ZNF385D: variants seen among roughly 807,000 people sequenced by gnomAD.
The protein encoded by ZNF385D is zinc finger protein 385D.
In ZNF385D, 15 loss-of-function variants were observed where a neutral mutation model predicts 35.8. The ratio of observed to expected loss-of-function variants is 0.42; its 90% CI spans 0.28 to 0.64. The LOEUF (loss-of-function observed/expected upper bound fraction) is 0.64. Ranked by LOEUF, ZNF385D falls within the 30% of genes least tolerant of loss-of-function variation. ZNF385D has a pLI of 0.23. For missense variants in ZNF385D, 474 were observed against 494.6 expected, an observed-to-expected ratio of 0.96 and a Z score of 0.39; for synonymous variants, 212 against 186.8, an observed-to-expected ratio of 1.13 and a Z score of -1.10.
In ZNF385D at chr3:21,510,941, G is replaced by C; in HGVS notation, c.359C>G (p.Ser120Cys). The change falls in exon 4 of 8, where the codon TCT becomes TGT. Residue 120 changes from serine to cysteine, a missense_variant. Coordinates refer to ENST00000281523, the MANE Select transcript of ZNF385D (RefSeq NM_024697.3). Reference sequence around the variant, plus strand: ...CTTTGCGCTGTCCTTGGCAGTTACAGATTTCTGCTTATTTTTCATGGCTTC... The same window carrying C: ...CTTTGCGCTGTCCTTGGCAGTTACACATTTCTGCTTATTTTTCATGGCTTC... ...ALEAMKNKQK[S>C]VTAKDSAKTT... The C allele has an allele frequency of 6.2e-7, 1 of 1,614,172 alleles. No homozygotes were observed. Among genetic ancestry groups the C allele is most frequent in the Non-Finnish European group, 8.5e-7 (1 of 1,180,012 alleles).
At chr3:22,039,770 G>C (rs1698552920) in intron 3 of ZNF385D, among the ~76,000 whole-genome samples, 1 of 151,916 alleles carries the variant, frequency 6.6e-6, no homozygotes, top group Non-Finnish European at 1.5e-5. Flanking sequence ...TTCTTATTAG[G>C]GTACATCGTT....
At chr3:21,817,470 G>C (rs144013760) in intron 3 of ZNF385D, among the ~76,000 whole-genome samples, 11,908 of 152,044 alleles carry the variant, frequency 0.078, 627 homozygotes, top group South Asian at 0.13. Context: ...CTACAAAGAA[G>C]TTAAACAAAT....
intron 3 of ZNF385D, among the ~76,000 whole-genome samples, chr3:22,066,953 A>G (rs942000233): frequency 5.3e-5 from 8 of 152,210 alleles, no homozygotes; most frequent in Non-Finnish European, 8.8e-5. Context: ...TAGTTTCCCT[A>G]CTTTCTAACA....
At chr3:22,071,935 G>T (rs919776545) in intron 3 of ZNF385D, among the ~76,000 whole-genome samples, 4 of 151,964 alleles carry the variant, frequency 2.6e-5, no homozygotes, top group African/African-American at 4.8e-5. Context: ...GTCTTGCAAG[G>T]TCTGGTAACT....
At chr3:21,569,922 A>AGGGGGGGGGGG (rs1575210384) in intron 2 of ZNF385D, among the ~76,000 whole-genome samples, 21 of 115,286 alleles carry the variant, frequency 1.8e-4, no homozygotes, top group African/African-American at 2.4e-4. Context: ...GTGGGGGGGC[A>AGGGGGGGGGGG]GGGAGGGATA....
At chr3:21,781,118 C>T (rs971305236) in intron 3 of ZNF385D, among the ~76,000 whole-genome samples, 9 of 151,744 alleles carry the variant, frequency 5.9e-5, no homozygotes, top group African/African-American at 1.9e-4. Flanking sequence ...AGAGGTAACC[C>T]GGAAGAGATA....
At chr3:21,804,055 G>A (rs1216208266) in intron 3 of ZNF385D, among the ~76,000 whole-genome samples, 2 of 152,104 alleles carry the variant, frequency 1.3e-5, no homozygotes, top group South Asian at 2.1e-4. Context: ...AAAGTTAAAG[G>A]ATTTTATAGA....
chr3:22,063,997 T>C (rs895632924), intron 3 of ZNF385D, among the ~76,000 whole-genome samples: 1 of 152,220 alleles, frequency 6.6e-6, no homozygotes, highest in African/African-American at 2.4e-5. Context: ...TGTAAGCAAA[T>C]ATCCATCTCA....
At chr3:21,792,847 A>T (rs576840424) in intron 3 of ZNF385D, among the ~76,000 whole-genome samples, 1 of 152,286 alleles carries the variant, frequency 6.6e-6, no homozygotes, top group Non-Finnish European at 1.5e-5. Flanking sequence ...TGATTTTTTT[A>T]AAAAGAGCTT....
rs9814357 is a variant in ZNF385D at position 21,725,990 on chromosome 3, G to A, written c.22+24905C>T. Among the ~76,000 whole-genome samples the A allele has an allele frequency of 4.7e-3, 711 of 152,204 alleles. 7 individuals are homozygous for A. The highest frequency in any genetic ancestry group is 0.016 in the African/African-American group (646 of 41,520). ...AAAGTTTATCCACTACGATCAAGTCGGCTTCATACCTGGGAGGCAAGGCTG... is the reference window on the plus strand; with the variant it reads ...AAAGTTTATCCACTACGATCAAGTCAGCTTCATACCTGGGAGGCAAGGCTG... On this transcript the variant is annotated intron_variant, in intron 1 of 7. Transcript: ENST00000281523.
At chr3:21,597,235 G>T (rs912680612) in intron 2 of ZNF385D, among the ~76,000 whole-genome samples, 3 of 151,848 alleles carry the variant, frequency 2.0e-5, no homozygotes, top group Admixed American at 1.3e-4. Context: ...ACACTCATAG[G>T]ATTATTTTCA....
At chr3:21,430,631 T>C (rs1701251969) in intron 5 of ZNF385D, among the ~76,000 whole-genome samples, 1 of 152,112 alleles carries the variant, frequency 6.6e-6, no homozygotes, top group South Asian at 2.1e-4. Context: ...GCTTTTTTTA[T>C]CCATAATGCC....
chr3:22,293,507 CT>C (rs1202732322), intron 2 of ZNF385D, among the ~76,000 whole-genome samples: 2 of 152,122 alleles, frequency 1.3e-5, no homozygotes, highest in African/African-American at 4.8e-5. Flanking sequence ...CAATACTCTC[CT>C]TACAAGCTAA....
chr3:22,287,585 A>C (rs893562905), intron 2 of ZNF385D, among the ~76,000 whole-genome samples: 1 of 151,936 alleles, frequency 6.6e-6, no homozygotes, highest in Non-Finnish European at 1.5e-5. Flanking sequence ...TATTTATAAC[A>C]GGCTATTTTA....
intron 4 of ZNF385D, among the ~76,000 whole-genome samples, chr3:21,500,371 T>C (rs891659720): frequency 1.3e-5 from 2 of 152,168 alleles, no homozygotes; most frequent in African/African-American, 2.4e-5. Flanking sequence ...TAAAGATGTA[T>C]GAAATTAAGG....
intron 3 of ZNF385D, among the ~76,000 whole-genome samples, chr3:21,767,393 T>C (rs1263635610): frequency 2.0e-5 from 3 of 152,110 alleles, no homozygotes; most frequent in South Asian, 2.1e-4. Context: ...TTTTCCAAGA[T>C]TGAACACTAT....
chr3:21,878,894 G>A (rs1407044869), intron 3 of ZNF385D, among the ~76,000 whole-genome samples: 1 of 152,022 alleles, frequency 6.6e-6, no homozygotes, highest in Admixed American at 6.6e-5. Flanking sequence ...ATGTGGGAAA[G>A]ACCTTATAAA....
At chr3:22,181,538 C>A (rs1357918768) in intron 2 of ZNF385D, among the ~76,000 whole-genome samples, 1 of 151,862 alleles carries the variant, frequency 6.6e-6, no homozygotes, top group Non-Finnish European at 1.5e-5. Context: ...CTACTAAACA[C>A]ACACACAAAA....
At chr3:22,358,272 C>G (rs944276394) in intron 2 of ZNF385D, among the ~76,000 whole-genome samples, 2 of 151,860 alleles carry the variant, frequency 1.3e-5, no homozygotes, top group Non-Finnish European at 2.9e-5. Flanking sequence ...TTCCAAAAGT[C>G]TGGCATCAAT....
Sources: gnomAD v4.1 joint callset for allele counts (sites outside exome capture counted in the v4.1 genomes callset) on GRCh38, gnomAD v4.1.1 for gene constraint, MANE v1.5 for transcripts, NCBI Gene and HGNC (gene_info 2026-07-23, HGNC 2026-07-21) for gene names.